PTPRD: variants seen among roughly 807,000 people sequenced by gnomAD.
PTPRD encodes receptor-type tyrosine-protein phosphatase delta.
In PTPRD, 34 loss-of-function variants were observed where a neutral mutation model predicts 214.5. That is an observed-to-expected ratio of 0.16 (90% CI 0.12 to 0.21). The LOEUF (loss-of-function observed/expected upper bound fraction) is 0.21, where lower values mean the gene tolerates loss of function less well. PTPRD is among the 10% of genes least tolerant of loss of function. PTPRD has a pLI of 1.00. For synonymous variants in PTPRD, 1,128 were observed against 845.7 expected (o/e 1.33, Z -5.79); for missense variants, 2,545 against 2,398.7 (o/e 1.06, Z -1.27).
At chr9:10,505,679 C>CAA (rs2045689274) in intron 2 of PTPRD, among the ~76,000 whole-genome samples, 1 of 133,638 alleles carries the variant, frequency 7.5e-6, no homozygotes, top group South Asian at 2.6e-4. Flanking sequence ...ACAGCAACAA[C>CAA]AAAAAGTTAA....
intron 2 of PTPRD, among the ~76,000 whole-genome samples, chr9:10,553,292 T>C (rs1267363839): frequency 1.3e-5 from 2 of 152,138 alleles, no homozygotes; most frequent in Non-Finnish European, 2.9e-5. Flanking sequence ...GCTGAAACTT[T>C]TGTGATTATG....
chr9:9,520,307 A>T (rs902367625), intron 8 of PTPRD, among the ~76,000 whole-genome samples: 2 of 123,532 alleles, frequency 1.6e-5, no homozygotes, highest in Admixed American at 8.2e-5. Flanking sequence ...ATATTAAGTT[A>T]TATATATATA....
chr9:9,186,636 CTCTCTCT>C (rs1196995911), intron 9 of PTPRD, among the ~76,000 whole-genome samples: 3 of 8,636 alleles, frequency 3.5e-4, no homozygotes, highest in African/African-American at 1.1e-3. Flanking sequence ...CTCTCCCTCT[CTCTCTCT>C]CTCTCTCTCT....
At chr9:9,118,986 C>T (rs1236763387) in intron 10 of PTPRD, among the ~76,000 whole-genome samples, 1 of 152,108 alleles carries the variant, frequency 6.6e-6, no homozygotes, top group Non-Finnish European at 1.5e-5. Flanking sequence ...GGACATTATT[C>T]ACCTAAAAAT....
chr9:8,635,320 T>C (rs1019721176), intron 13 of PTPRD, among the ~76,000 whole-genome samples: 1 of 151,658 alleles, frequency 6.6e-6, no homozygotes, highest in Non-Finnish European at 1.5e-5. Context: ...CAAACTTCTC[T>C]TTGACAAAAA....
At chr9:9,299,812 T>G (rs1443505412) in intron 9 of PTPRD, among the ~76,000 whole-genome samples, 1 of 151,396 alleles carries the variant, frequency 6.6e-6, no homozygotes, top group East Asian at 2.0e-4. Flanking sequence ...AAAAGACACA[T>G]ATGTGGGATG....
At chr9:8,641,887 G>A (rs1176596829) in intron 12 of PTPRD, among the ~76,000 whole-genome samples, 1 of 152,168 alleles carries the variant, frequency 6.6e-6, no homozygotes, top group Non-Finnish European at 1.5e-5. Flanking sequence ...TAGGCACTCT[G>A]AAGACAAGGT....
intron 10 of PTPRD, among the ~76,000 whole-genome samples, chr9:9,094,465 G>A (rs1006799424): frequency 1.3e-5 from 2 of 152,134 alleles, no homozygotes; most frequent in Non-Finnish European, 2.9e-5. Flanking sequence ...TGGGAGCTAA[G>A]CTAGGAGGAC....
chr9:9,833,545 G>C (rs956604868), intron 5 of PTPRD, among the ~76,000 whole-genome samples: 17 of 151,064 alleles, frequency 1.1e-4, no homozygotes, highest in Admixed American at 1.1e-3. Flanking sequence ...CAGGAGACAG[G>C]GTTTTGAGAT....
intron 2 of PTPRD, among the ~76,000 whole-genome samples, chr9:10,429,980 G>A (rs1242208873): frequency 6.6e-6 from 1 of 151,840 alleles, no homozygotes; most frequent in African/African-American, 2.4e-5. Flanking sequence ...CTATGCCACT[G>A]CTCTCACCAG....
intron 4 of PTPRD, among the ~76,000 whole-genome samples, chr9:9,986,576 G>C (rs999971527): frequency 6.6e-6 from 1 of 152,098 alleles, no homozygotes; most frequent in South Asian, 2.1e-4. Flanking sequence ...GGGGCAATGA[G>C]AGGCTTGTAT....
At chr9:9,637,470 C>A (rs1278512019) in intron 7 of PTPRD, among the ~76,000 whole-genome samples, 1 of 152,188 alleles carries the variant, frequency 6.6e-6, no homozygotes, top group East Asian at 1.9e-4. Flanking sequence ...ACATGTAATT[C>A]CAAAACTCAG....
At chr9:9,665,483 G>A (rs566532287) in intron 7 of PTPRD, among the ~76,000 whole-genome samples, 1 of 151,774 alleles carries the variant, frequency 6.6e-6, no homozygotes, top group South Asian at 2.1e-4. Context: ...ACTTAACTAT[G>A]TTCTGGCTTT....
intron 7 of PTPRD, among the ~76,000 whole-genome samples, chr9:9,722,897 TTTTATG>T (rs1564775217): frequency 6.6e-6 from 1 of 152,096 alleles, no homozygotes. Flanking sequence ...TGGGTTGTCT[TTTTATG>T]TTTGAGTTGA....
intron 19 of PTPRD, 66 bp from the exon 20 acceptor site, chr9:8,521,612 T>G: frequency 6.5e-7 from 1 of 1,537,298 alleles, no homozygotes; most frequent in Non-Finnish European, 8.8e-7. Flanking sequence ...ATTAAACACA[T>G]GACATGCACC....
chr9:9,483,390 C>T (rs1463323027), intron 8 of PTPRD, among the ~76,000 whole-genome samples: 1 of 152,076 alleles, frequency 6.6e-6, no homozygotes, highest in Non-Finnish European at 1.5e-5. Flanking sequence ...CACCATTTGT[C>T]AGGATGTAAA....
At chr9:9,559,222 G>A (rs2082288342) in intron 8 of PTPRD, among the ~76,000 whole-genome samples, 1 of 151,518 alleles carries the variant, frequency 6.6e-6, no homozygotes, top group African/African-American at 2.4e-5. Flanking sequence ...GTTGTCTACA[G>A]GATGACTGTA....
At chr9:9,219,940 G>A (rs2099954712) in intron 9 of PTPRD, among the ~76,000 whole-genome samples, 1 of 152,126 alleles carries the variant, frequency 6.6e-6, no homozygotes, top group African/African-American at 2.4e-5. Context: ...TTTGCATTCT[G>A]TAGTTTTTTT....
chr9:9,446,102 A>T (rs2090309360), intron 8 of PTPRD, among the ~76,000 whole-genome samples: 1 of 152,188 alleles, frequency 6.6e-6, no homozygotes, highest in African/African-American at 2.4e-5. Flanking sequence ...AAATGACATA[A>T]TATTTTGTTT....
Sources: allele counts gnomAD v4.1 joint callset (sites outside exome capture counted in the v4.1 genomes callset), GRCh38; gene constraint gnomAD v4.1.1; transcripts MANE v1.5; gene names NCBI Gene and HGNC (gene_info 2026-07-23, HGNC 2026-07-21).